Variants in MYO6 observed in about 807,000 individuals in gnomAD.
MYO6 encodes myosin VI, also known as unconventional myosin-VI.
Under a neutral mutation model 178.7 loss-of-function variants are expected in MYO6, and 74 were observed. The observed-to-expected ratio is 0.41, with a 90% CI of 0.34 to 0.50. The LOEUF (loss-of-function observed/expected upper bound fraction) is 0.50, where lower values mean the gene tolerates loss of function less well. Ranked by LOEUF, MYO6 falls within the 20% of genes least tolerant of loss-of-function variation. MYO6 has a pLI of 0.09. For synonymous variants in MYO6, 477 were observed against 504.6 expected (o/e 0.95, Z 0.73); for missense variants, 1,330 against 1,547.4 (o/e 0.86, Z 2.36).
intron 32 of MYO6, 54 bp from the exon 33 acceptor site, chr6:75,911,618 T>C (rs1780758850): frequency 5.4e-6 from 8 of 1,483,554 alleles, no homozygotes; most frequent in East Asian, 2.3e-5. Context: ...AAAATGCTCA[T>C]TTAACAGTTT....
chr6:75,749,466 T>A (rs1279148459), intron 1 of MYO6, 43 bp downstream of exon 1: 3 of 152,120 alleles, frequency 2.0e-5, no homozygotes, highest in Non-Finnish European at 4.4e-5. Flanking sequence ...GGCGCCGGGG[T>A]CTCGCGTTCC....
chr6:75,761,330 A>T (rs983635446), intron 1 of MYO6, among the ~76,000 whole-genome samples: 1 of 152,154 alleles, frequency 6.6e-6, no homozygotes, highest in African/African-American at 2.4e-5. Flanking sequence ...GAAAAGAAGG[A>T]TGGAAATTGA....
intron 1 of MYO6, among the ~76,000 whole-genome samples, chr6:75,761,598 C>T (rs1777951427): frequency 6.7e-6 from 1 of 150,346 alleles, no homozygotes; most frequent in African/African-American, 2.5e-5. Context: ...TTAGAACACA[C>T]ACACACACAC....
chr6:75,781,704 G>A (rs1766996485), intron 1 of MYO6, among the ~76,000 whole-genome samples: 1 of 151,920 alleles, frequency 6.6e-6, no homozygotes, highest in African/African-American at 2.4e-5. Flanking sequence ...GGTGGATCAC[G>A]AGGTCAGGAG....
At chr6:75,837,835 G>A (rs922641439) in intron 7 of MYO6, among the ~76,000 whole-genome samples, 1 of 152,036 alleles carries the variant, frequency 6.6e-6, no homozygotes, top group African/African-American at 2.4e-5. Flanking sequence ...TTTAGCGAGG[G>A]AGTCGTTCTT....
At chr6:75,894,754 A>G (rs1779161791) in intron 28 of MYO6, 1 of 1,212,596 alleles carries the variant, frequency 8.2e-7, no homozygotes, top group Non-Finnish European at 1.1e-6. Flanking sequence ...GCTGTGTTAA[A>G]AAATGTATAT....
chr6:75,764,977 C>T (rs752213653), intron 1 of MYO6, among the ~76,000 whole-genome samples: 169 of 148,786 alleles, frequency 1.1e-3, no homozygotes, highest in Non-Finnish European at 1.5e-3. Context: ...CCAGCCTGGG[C>T]GACAGAGCTA....
chr6:75,915,354 A>T lies in MYO6; in HGVS notation c.*342A>T, dbSNP rs1781066173. 1 of 351,518 alleles carries T rather than the reference A, an allele frequency of 2.8e-6. No individual in the cohort carries two copies. The highest frequency in any genetic ancestry group is 4.2e-5 in the Admixed American group (1 of 23,836). 21.8% of individuals were successfully genotyped at this position (351,518 alleles called of 1,614,324 possible). On this transcript the variant is annotated 3_prime_UTR_variant, in exon 35 of 35. Transcript: ENST00000369977. ...AAAAGAGAACTTTTTTCAAAATTCAAAATACTTTTTAAGGATGGCACAGTA... is the reference window on the plus strand; with the variant it reads ...AAAAGAGAACTTTTTTCAAAATTCATAATACTTTTTAAGGATGGCACAGTA...
At chr6:75,868,540 TA>T (rs1776884963) in intron 18 of MYO6, among the ~76,000 whole-genome samples, 1 of 152,120 alleles carries the variant, frequency 6.6e-6, no homozygotes, top group Non-Finnish European at 1.5e-5. Flanking sequence ...TGAAACTTCT[TA>T]TAATTGCTTA....
chr6:75,830,094 G>T (rs1410073138), intron 4 of MYO6, among the ~76,000 whole-genome samples: 1 of 152,162 alleles, frequency 6.6e-6, no homozygotes, highest in Non-Finnish European at 1.5e-5. Context: ...ACTTGGTGGT[G>T]ATGCCATGTC....
chr6:75,770,130 T>A (rs1765727059), intron 1 of MYO6, among the ~76,000 whole-genome samples: 1 of 152,204 alleles, frequency 6.6e-6, no homozygotes, highest in Non-Finnish European at 1.5e-5. Context: ...GTCTTCTTGC[T>A]TCTGCTCTCA....
At chr6:75,771,414 A>C (rs1045444084) in intron 1 of MYO6, among the ~76,000 whole-genome samples, 18 of 152,178 alleles carry the variant, frequency 1.2e-4, no homozygotes, top group Non-Finnish European at 7.3e-5. Flanking sequence ...AAAAGAGTGA[A>C]TATGTATTTT....
chr6:75,851,682 A>G (rs1320162843), intron 11 of MYO6, among the ~76,000 whole-genome samples: 1 of 151,786 alleles, frequency 6.6e-6, no homozygotes, highest in Non-Finnish European at 1.5e-5. Flanking sequence ...ACGCACACAC[A>G]CACACAAAAT....
chr6:75,806,947 C>T (rs1246041947), intron 1 of MYO6, among the ~76,000 whole-genome samples: 2 of 152,192 alleles, frequency 1.3e-5, no homozygotes, highest in East Asian at 3.9e-4. Flanking sequence ...TCCTCTAGTG[C>T]CACTGGGTTA....
At chr6:75,908,699 A>G (rs1364874334) in intron 32 of MYO6, 72 bp downstream of exon 32, 66 of 1,499,374 alleles carry the variant, frequency 4.4e-5, no homozygotes, top group Non-Finnish European at 5.6e-5. Context: ...TACTTAAGAC[A>G]TGGGTAAAAT....
At chr6:75,882,150 C>T (rs1050233422) in intron 23 of MYO6, among the ~76,000 whole-genome samples, 1 of 152,122 alleles carries the variant, frequency 6.6e-6, no homozygotes, top group African/African-American at 2.4e-5. Flanking sequence ...TGCATGGCAT[C>T]TACAATACAC....
intron 1 of MYO6, among the ~76,000 whole-genome samples, chr6:75,780,208 A>AG (rs1355618921): frequency 6.6e-6 from 1 of 152,192 alleles, no homozygotes; most frequent in Non-Finnish European, 1.5e-5. Flanking sequence ...TGGGAGGCTG[A>AG]GGGGGGCGGA....
chr6:75,771,694 A>T (rs1330605323), intron 1 of MYO6, among the ~76,000 whole-genome samples: 1 of 152,202 alleles, frequency 6.6e-6, no homozygotes, highest in East Asian at 1.9e-4. Context: ...TTCACATTTG[A>T]TACTGTGAGA....
chr6:75,871,585 A>T (rs1182779502), intron 19 of MYO6, among the ~76,000 whole-genome samples: 1 of 152,164 alleles, frequency 6.6e-6, no homozygotes, highest in Non-Finnish European at 1.5e-5. Context: ...AGTCATTTTG[A>T]ATAGCTAGAC....
Sources: allele counts gnomAD v4.1 joint callset (sites outside exome capture counted in the v4.1 genomes callset), GRCh38; gene constraint gnomAD v4.1.1; transcripts MANE v1.5; gene names NCBI Gene and HGNC (gene_info 2026-07-23, HGNC 2026-07-21).